The following LRRC75A variants were observed in gnomAD, a reference collection of about 807,000 sequenced individuals.
LRRC75A encodes leucine rich repeat containing 75A, also known as leucine-rich repeat-containing protein 75A.
Under a neutral mutation model 26.0 loss-of-function variants are expected in LRRC75A, and 12 were observed. That is an observed-to-expected ratio of 0.46 (90% CI 0.30 to 0.75). LRRC75A has a LOEUF of 0.75. Among genes scored for constraint, LRRC75A ranks in the 30% least tolerant of loss-of-function variants. LRRC75A has a pLI of 0.08. For synonymous variants in LRRC75A, 223 were observed against 219.3 expected (o/e 1.02, Z -0.15); for missense variants, 410 against 486.6 (o/e 0.84, Z 1.48).
At chr17:16,464,956 C>T (rs1447566367) in intron 1 of LRRC75A, among the ~76,000 whole-genome samples, 1 of 152,214 alleles carries the variant, frequency 6.6e-6, no homozygotes, top group Admixed American at 6.5e-5. Flanking sequence ...GCCAGCCAGT[C>T]CCTGCCTACA....
chr17:16,467,116 T>A (rs781269311), intron 1 of LRRC75A, among the ~76,000 whole-genome samples: 10 of 152,366 alleles, frequency 6.6e-5, no homozygotes, highest in Admixed American at 2.6e-4. Flanking sequence ...TTGGAAAATA[T>A]AGTTATTTTC....
intron 1 of LRRC75A, among the ~76,000 whole-genome samples, chr17:16,473,658 C>T (rs150603679): frequency 2.6e-5 from 4 of 152,334 alleles, no homozygotes; most frequent in African/African-American, 9.6e-5. Context: ...CTCCACCAGA[C>T]TTGCCCAGCC....
Position 16,491,764 on chromosome 17 carries a change from A to G in LRRC75A, c.227T>C (p.Leu76Pro). ...RQGRREEAGT[L>P]LQHLRQDLGM... The stretch of plus-strand genomic sequence containing the variant: ...GCTCACCTGGCGCAGGTGCTGCAGC[A>G]GCGTCCCCGCCTCCTCCCGCCGGCC... The change falls in exon 1 of 4, where the codon CTG becomes CCG. Residue 76 changes from leucine (L) to proline (P), a missense_variant. Coordinates refer to ENST00000470794, the MANE Select transcript of LRRC75A (RefSeq NM_001113567.3). This position sits in a 1 kb window ranked among gnomAD's most constrained non-coding sequence, Gnocchi z 5.9. 7.0e-7 allele frequency: 1 copy of G among 1,419,292 alleles called. No individual in the cohort carries two copies. Among genetic ancestry groups the G allele is most frequent in the Non-Finnish European group, 9.2e-7 (1 of 1,086,782 alleles). 87.9% of individuals were successfully genotyped at this position (1,419,292 alleles called of 1,614,324 possible).
chr17:16,462,255 T>C lies in LRRC75A; in HGVS notation c.375+3A>G, dbSNP rs2093733358. On this transcript the variant is annotated splice_donor_region_variant and intron_variant, in intron 2 of 3. Transcript: ENST00000470794. This position sits in a 1 kb window ranked among gnomAD's most constrained non-coding sequence, Gnocchi z 4.6. The stretch of plus-strand genomic sequence containing the variant: ...TGGCTGGCTCGGACCACAGCCACCC[T>C]ACCGGCTTGGGACAGTGGATGTAGC... 1 of 1,613,896 alleles carries C rather than the reference T, an allele frequency of 6.2e-7. No homozygotes were observed. Among genetic ancestry groups the C allele is most frequent in the Admixed American group, 1.7e-5 (1 of 59,978 alleles).
rs2143007356 is a variant in LRRC75A, at chr17:16,442,494, A to G, written c.*1094T>C. The G allele has an allele frequency of 6.6e-6, 1 of 152,342 alleles. No homozygotes were observed. Among genetic ancestry groups the G allele is most frequent in the African/African-American group, 2.4e-5 (1 of 41,570 alleles). The allele number at this position is 152,342 out of a possible 1,614,324, so 9.4% of individuals were successfully genotyped here. A position where few individuals can be genotyped will look rare whatever the true frequency, so the allele number is the denominator to read the frequency against. On this transcript the variant is annotated 3_prime_UTR_variant, in exon 4 of 4. Transcript: ENST00000470794. The stretch of plus-strand genomic sequence containing the variant: ...ATCCCTTAACTGGTAGGGCCCTTTC[A>G]GTAGGACAGTATTTGGGTAAGGGGA...
intron 1 of LRRC75A, among the ~76,000 whole-genome samples, chr17:16,484,977 A>G (rs2093842941): frequency 6.6e-6 from 1 of 151,890 alleles, no homozygotes; most frequent in African/African-American, 2.4e-5. Context: ...AAAAAAAAAA[A>G]AAAGCTGGGA....
intron 3 of LRRC75A, chr17:16,447,118 G>C (rs2093592829): frequency 4.6e-6 from 1 of 219,202 alleles, no homozygotes; most frequent in Non-Finnish European, 9.7e-6. Context: ...CAAAAAGACA[G>C]GTGTGCTTCC....
intron 3 of LRRC75A, among the ~76,000 whole-genome samples, chr17:16,445,894 T>G (rs931467116): frequency 6.6e-6 from 1 of 152,156 alleles, no homozygotes; most frequent in Non-Finnish European, 1.5e-5. Context: ...AACAGTGATA[T>G]CTCCTCCCTA....
At chr17:16,467,459 A>G (rs597985) in intron 1 of LRRC75A, among the ~76,000 whole-genome samples, 99,834 of 152,064 alleles carry the variant, frequency 0.66, 33,813 homozygotes, top group Non-Finnish European at 0.74. Context: ...AGTTGGACTC[A>G]CACCTTCACT....
At chr17:16,444,250 G>A in intron 3 of LRRC75A, 119 bp from the exon 4 acceptor site, 1 of 827,788 alleles carries the variant, frequency 1.2e-6, no homozygotes, top group Non-Finnish European at 1.8e-6. Flanking sequence ...CGAAACACTT[G>A]GATGTCGGAT....
chr17:16,491,915 G>A lies in LRRC75A; in HGVS notation c.76C>T (p.Arg26Trp). 3 of 1,269,154 alleles carry A rather than the reference G, an allele frequency of 2.4e-6. No individual in the cohort carries two copies. Among genetic ancestry groups the A allele is most frequent in the Non-Finnish European group, 3.0e-6 (3 of 1,010,314 alleles). 78.6% of individuals were successfully genotyped at this position (1,269,154 alleles called of 1,614,324 possible). A position where few individuals can be genotyped will look rare whatever the true frequency, so the allele number is the denominator to read the frequency against. ...PGAAPGPRRE[R>W]PDFWASLLLR... Reference sequence around the variant, plus strand: ...AGCAGCGACGCCCAGAAGTCCGGCCGTTCGCGTCGGGGGCCCGGCGCGGCG... The same window carrying A: ...AGCAGCGACGCCCAGAAGTCCGGCCATTCGCGTCGGGGGCCCGGCGCGGCG... Residue 26 changes from arginine (R) to tryptophan (W), a missense_variant, in exon 1 of 4, where the codon CGG becomes TGG. Physicochemically the swap from Arg to Trp is moderately radical, Grantham distance 101. Transcript: ENST00000470794. The surrounding 1 kb of genome is among the most constrained non-coding windows in gnomAD (Gnocchi z 5.9).
chr17:16,488,529 A>G (rs576344223), intron 1 of LRRC75A, among the ~76,000 whole-genome samples: 25 of 152,336 alleles, frequency 1.6e-4, no homozygotes, highest in African/African-American at 6.0e-4. Flanking sequence ...TTCACTTTGT[A>G]GCATTTGCTG....
At chr17:16,476,908 T>G (rs1181785566) in intron 1 of LRRC75A, among the ~76,000 whole-genome samples, 1 of 151,746 alleles carries the variant, frequency 6.6e-6, no homozygotes, top group Admixed American at 6.6e-5. Context: ...CTGGCTAATT[T>G]TTTGTATTTT....
chr17:16,472,621 G>A (rs1030055625), intron 1 of LRRC75A, among the ~76,000 whole-genome samples: 3 of 152,166 alleles, frequency 2.0e-5, no homozygotes, highest in East Asian at 1.9e-4. Context: ...TGGGGCATAC[G>A]GAAATCTGGT....
chr17:16,446,000 C>T (rs2093581511), intron 3 of LRRC75A, among the ~76,000 whole-genome samples: 1 of 152,226 alleles, frequency 6.6e-6, no homozygotes, highest in African/African-American at 2.4e-5. Flanking sequence ...CTTCCGCCTC[C>T]CAGGTTCAAG....
intron 1 of LRRC75A, among the ~76,000 whole-genome samples, chr17:16,469,458 C>G (rs1042779517): frequency 6.6e-6 from 1 of 152,162 alleles, no homozygotes; most frequent in African/African-American, 2.4e-5. Flanking sequence ...CAGGCTTCCC[C>G]CCTCCCCAGC....
chr17:16,490,325 G>A (rs1364312499), intron 1 of LRRC75A, among the ~76,000 whole-genome samples: 2 of 152,208 alleles, frequency 1.3e-5, no homozygotes, highest in Admixed American at 6.5e-5. Flanking sequence ...AAGTGAAAGA[G>A]TTACTATAAA....
chr17:16,484,015 T>G (rs772840502), intron 1 of LRRC75A, among the ~76,000 whole-genome samples: 4 of 152,366 alleles, frequency 2.6e-5, no homozygotes, highest in Non-Finnish European at 5.9e-5. Context: ...CCATTTTTAC[T>G]TTAAGCAACA....
At position 16,465,446 on chromosome 17, in the gene LRRC75A, C is replaced by T. The variant is rs190193026; in HGVS notation, c.247-3060G>A. On this transcript the variant is annotated intron_variant, in intron 1 of 3. Transcript: ENST00000470794. ...TCTTGAGGCTGACGGTCAGGGGCTGCGGTAGACGAGAGAGGTGAGAGGAAC... is the reference window on the plus strand; with the variant it reads ...TCTTGAGGCTGACGGTCAGGGGCTGTGGTAGACGAGAGAGGTGAGAGGAAC... 1.5e-4 allele frequency among the ~76,000 whole-genome samples: 23 copies of T among 152,302 alleles called. No individual in the cohort carries two copies. The East Asian group carries it at 4.2e-3, about 28-fold the overall frequency.
Sources: allele counts gnomAD v4.1 joint callset (sites outside exome capture counted in the v4.1 genomes callset), GRCh38; gene constraint gnomAD v4.1.1; non-coding constraint Gnocchi (gnomAD v3.1); transcripts MANE v1.5; gene names NCBI Gene and HGNC (gene_info 2026-07-23, HGNC 2026-07-21).